Variants in JAK1 observed in about 807,000 individuals in gnomAD.
The protein encoded by JAK1 is Janus kinase 1.
In JAK1, 16 loss-of-function variants were observed where a neutral mutation model predicts 136.6. That is an observed-to-expected ratio of 0.12 (90% CI 0.08 to 0.18). The LOEUF (loss-of-function observed/expected upper bound fraction) is 0.18. Ranked by LOEUF, JAK1 falls within the 10% of genes least tolerant of loss-of-function variation. JAK1 has a pLI of 1.00. For missense variants in JAK1, 859 were observed against 1,450.1 expected, an observed-to-expected ratio of 0.59 and a Z score of 6.62; for synonymous variants, 492 against 519.5, an observed-to-expected ratio of 0.95 and a Z score of 0.72.
chr1:64,949,938 T>C (rs540337516), intron 1 of JAK1, among the ~76,000 whole-genome samples: 3 of 152,252 alleles, frequency 2.0e-5, no homozygotes, highest in South Asian at 4.1e-4. Flanking sequence ...CACAACTAAA[T>C]ACTACATTCA....
intron 1 of JAK1, among the ~76,000 whole-genome samples, chr1:64,899,794 T>A (rs187158108): frequency 6.6e-6 from 1 of 152,278 alleles, no homozygotes; most frequent in East Asian, 1.9e-4. Context: ...CACTTTCAAT[T>A]TGGACTTGAA....
intron 2 of JAK1, among the ~76,000 whole-genome samples, chr1:65,027,860 G>A (rs1456701617): frequency 1.3e-5 from 2 of 152,166 alleles, no homozygotes; most frequent in African/African-American, 4.8e-5. Flanking sequence ...CTGGATGCTG[G>A]GGTGGATCCA....
Position 64,899,711 on chromosome 1 carries a change from A to C in JAK1, c.-77-13370T>G, listed in dbSNP as rs182871484. On this transcript the variant is annotated intron_variant, in intron 1 of 24. Coordinates refer to ENST00000342505, the MANE Select transcript of JAK1 (RefSeq NM_002227.4). ...AAAATCCCAAAAATCTGAAATCTGA[A>C]AATTGTCTGGTCTCAAGCATTTCAG... is the stretch of plus-strand genomic sequence containing the variant. 9.6e-4 allele frequency among the ~76,000 whole-genome samples: 146 copies of C among 152,290 alleles called. 1 individual carries two copies. The highest frequency in any genetic ancestry group is 3.2e-3 in the African/African-American group (134 of 41,560).
intron 1 of JAK1, among the ~76,000 whole-genome samples, chr1:64,964,328 T>C (rs1315667557): frequency 1.3e-5 from 2 of 152,258 alleles, no homozygotes; most frequent in East Asian, 3.8e-4. Flanking sequence ...ATCTGAGAAT[T>C]AGAAAACACA....
intron 1 of JAK1, among the ~76,000 whole-genome samples, chr1:64,941,101 T>A (rs1569640665): frequency 6.6e-6 from 1 of 152,128 alleles, no homozygotes. Context: ...AAGGCAGGGG[T>A]TGCAGTGAGC....
chr1:64,911,994 C>T (rs1645293193), intron 1 of JAK1, among the ~76,000 whole-genome samples: 1 of 152,192 alleles, frequency 6.6e-6, no homozygotes, highest in African/African-American at 2.4e-5. Context: ...TTTCTGACCC[C>T]TATGTCATCA....
chr1:64,855,450 T>C, intron 11 of JAK1, 59 bp downstream of exon 11: 1 of 1,529,222 alleles, frequency 6.5e-7, no homozygotes, highest in Non-Finnish European at 8.9e-7. Context: ...TTTTGGTCGA[T>C]CTGGGTCTCA....
chr1:65,007,705 C>T (rs768655714), intron 2 of JAK1, among the ~76,000 whole-genome samples: 1 of 151,360 alleles, frequency 6.6e-6, no homozygotes, highest in Non-Finnish European at 1.5e-5. Context: ...TCAGGTGATC[C>T]GCCCACCTCG....
At chr1:65,028,831 A>G (rs1224966093) in intron 2 of JAK1, among the ~76,000 whole-genome samples, 2 of 152,186 alleles carry the variant, frequency 1.3e-5, no homozygotes, top group Non-Finnish European at 2.9e-5. Context: ...CCCAAATAAC[A>G]TGGCCAATGT....
At chr1:64,965,495 C>A (rs1295493320) in intron 1 of JAK1, among the ~76,000 whole-genome samples, 4 of 152,174 alleles carry the variant, frequency 2.6e-5, no homozygotes, top group African/African-American at 9.7e-5. Context: ...ATCCAAGGAG[C>A]CCACATCCCA....
intron 1 of JAK1, among the ~76,000 whole-genome samples, chr1:64,889,077 AAAT>A (rs1644896096): frequency 6.6e-6 from 1 of 152,260 alleles, no homozygotes; most frequent in Admixed American, 6.5e-5. Flanking sequence ...GGCTTCATCC[AAAT>A]AATATTTCTT....
intron 1 of JAK1, among the ~76,000 whole-genome samples, chr1:65,048,018 C>T (rs1647204364): frequency 6.6e-6 from 1 of 152,088 alleles, no homozygotes; most frequent in South Asian, 2.1e-4. Flanking sequence ...CAGTTAAGTG[C>T]ATCATCCCAC....
intron 11 of JAK1, among the ~76,000 whole-genome samples, chr1:64,851,486 G>C (rs1655589421): frequency 6.6e-6 from 1 of 152,216 alleles, no homozygotes; most frequent in Non-Finnish European, 1.5e-5. Flanking sequence ...ATCAGGGCAG[G>C]AGACCCATAA....
At chr1:65,059,450 C>G (rs984901673) in intron 1 of JAK1, among the ~76,000 whole-genome samples, 1 of 152,174 alleles carries the variant, frequency 6.6e-6, no homozygotes, top group African/African-American at 2.4e-5. Flanking sequence ...GCTCTGAGTG[C>G]TAAGAATGTA....
At chr1:65,000,492 C>T (rs531292519) in intron 2 of JAK1, among the ~76,000 whole-genome samples, 1 of 150,692 alleles carries the variant, frequency 6.6e-6, no homozygotes, top group African/African-American at 2.5e-5. Context: ...GAGAGAGACC[C>T]CATCTCTTAA....
In JAK1 at chr1:64,964,244, A is replaced by G. The variant is rs74889977; in HGVS notation, c.-78+2089T>C. Among the ~76,000 whole-genome samples the G allele has an allele frequency of 0.018, 2,772 of 152,356 alleles. 158 individuals are homozygous for G. The East Asian group carries it at 0.2, about 11-fold the overall frequency. On this transcript the variant is annotated intron_variant, in intron 1 of 24. Coordinates refer to ENST00000342505, the MANE Select transcript of JAK1 (RefSeq NM_002227.4). ...CTCAGACAATAAATCTTCTAACAGCATGCTATTATCTTATCAGGACATAAG... is the reference window on the plus strand; with the variant it reads ...CTCAGACAATAAATCTTCTAACAGCGTGCTATTATCTTATCAGGACATAAG...
intron 7 of JAK1, among the ~76,000 whole-genome samples, chr1:64,865,202 C>T (rs1357272260): frequency 1.3e-5 from 2 of 152,176 alleles, no homozygotes; most frequent in East Asian, 3.8e-4. Flanking sequence ...TTAATGAGCA[C>T]ACTGTCTAAA....
At position 65,046,715 on chromosome 1, in the gene JAK1, G is replaced by GT. The variant is rs540569680; in HGVS notation, c.-180-2134dup. On this transcript the variant is annotated intron_variant, in intron 1 of 25. Coordinates refer to the JAK1 transcript ENST00000671954. ...GGTCTCTCACAGCTCTGAAATTCTG[G>GT]TTTTTTGTGTTTTTAGTAGAGATGG... 8.6e-5 allele frequency among the ~76,000 whole-genome samples: 13 copies of GT among 151,716 alleles called. No individual in the cohort carries two copies. In the South Asian group the frequency reaches 1.7e-3, roughly 19 times the overall value.
intron 1 of JAK1, among the ~76,000 whole-genome samples, chr1:64,954,870 A>C (rs959034199): frequency 5.3e-5 from 8 of 152,234 alleles, no homozygotes; most frequent in African/African-American, 1.9e-4. Flanking sequence ...AATGAGTTAC[A>C]GATCACATTT....
Sources: gnomAD v4.1 joint callset for allele counts (sites outside exome capture counted in the v4.1 genomes callset) on GRCh38, gnomAD v4.1.1 for gene constraint, MANE v1.5 for transcripts, NCBI Gene and HGNC (gene_info 2026-07-23, HGNC 2026-07-21) for gene names.